The following SEPTIN5 variants were observed in gnomAD, a reference collection of about 807,000 sequenced individuals.
SEPTIN5 encodes the protein septin 5.
Under a neutral mutation model 51.2 loss-of-function variants are expected in SEPTIN5, and 16 were observed. That is an observed-to-expected ratio of 0.31 (90% confidence interval 0.21 to 0.47). The LOEUF is 0.47. Among genes scored for constraint, SEPTIN5 ranks in the 20% least tolerant of loss-of-function variants. The pLI, the probability that SEPTIN5 is intolerant of heterozygous loss-of-function variation, is 0.99. For synonymous variants in SEPTIN5, 208 were observed against 191.2 expected (o/e 1.09, Z -0.72); for missense variants, 376 against 500.3 (o/e 0.75, Z 2.37).
chr22:19,720,929 GC>G, intron 8 of SEPTIN5, 60 bp downstream of exon 8: 2 of 1,453,194 alleles, frequency 1.4e-6, no homozygotes, highest in Non-Finnish European at 1.9e-6. Context: ...GAACCAGAGG[GC>G]TTTGTCTCCT....
At position 19,721,726 on chromosome 22, in the gene SEPTIN5, G is replaced by A; in HGVS notation, c.804G>A (p.Gly268=). The A allele has an allele frequency of 1.9e-6, 3 of 1,608,922 alleles. No individual in the cohort carries two copies. The highest frequency in any genetic ancestry group is 2.5e-6 in the Non-Finnish European group (3 of 1,177,224). ...QRVRGRLYPW[G]IVEVENQAHC... ...TCCGGGGCCGACTGTACCCCTGGGG[G>A]ATCGTGGAGGGTGAGTAGAGTCTTG... is the stretch of plus-strand genomic sequence containing the variant. Residue 268 remains glycine (G), a synonymous_variant, in exon 9 of 12, where the codon GGG becomes GGA. Coordinates refer to ENST00000455784, the MANE Select transcript of SEPTIN5 (RefSeq NM_002688.6).
intron 10 of SEPTIN5, 56 bp from the exon 11 acceptor site, chr22:19,722,181 C>A: frequency 1.5e-6 from 2 of 1,341,354 alleles, no homozygotes; most frequent in Admixed American, 2.3e-5. Flanking sequence ...ATCGCCAGCC[C>A]ACGCTGAGCC....
At chr22:19,715,720 G>C (rs1326570495) in intron 2 of SEPTIN5, among the ~76,000 whole-genome samples, 1 of 152,202 alleles carries the variant, frequency 6.6e-6, no homozygotes, top group East Asian at 1.9e-4. Flanking sequence ...GCAGCAGGCA[G>C]GGCAGGAGGG....
Position 19,720,765 on chromosome 22 carries a change from C to T in SEPTIN5, c.616-3C>T, listed in dbSNP as rs751811812. On this transcript the variant is annotated splice_polypyrimidine_tract_variant and splice_region_variant and intron_variant, in intron 7 of 11. Coordinates refer to ENST00000455784, the MANE Select transcript of SEPTIN5 (RefSeq NM_002688.6). ...AAATCTGATGGTCCTTGCCCCACCA[C>T]AGATCCGGGAGGAGATTGACAAGTT... 1.2e-6 allele frequency: 2 copies of T among 1,613,388 alleles called. No individual in the cohort carries two copies. The highest frequency in any genetic ancestry group is 1.3e-5 in the African/African-American group (1 of 75,074).
chr22:19,722,558 C>T lies in SEPTIN5; in HGVS notation c.*74C>T. 6.8e-7 allele frequency: 1 copy of T among 1,481,148 alleles called. No homozygotes were observed. 91.8% of individuals were successfully genotyped at this position (1,481,148 alleles called of 1,614,324 possible). ...GGACACCAGACCGGACTGTTCCCGA[C>T]CCGGAGACGCGGGGCCACAGCCCCC... On this transcript the variant is annotated 3_prime_UTR_variant, in exon 12 of 12. Coordinates refer to ENST00000455784, the MANE Select transcript of SEPTIN5 (RefSeq NM_002688.6).
intron 2 of SEPTIN5, among the ~76,000 whole-genome samples, chr22:19,716,839 C>T (rs1458372324): frequency 1.3e-5 from 2 of 152,290 alleles, no homozygotes; most frequent in African/African-American, 4.8e-5. Context: ...TGCCCTGGGC[C>T]TGAGATGCCA....
rs781470737 is a variant in SEPTIN5, at chr22:19,722,229, C to T, written c.951-8C>T. On this transcript the variant is annotated splice_polypyrimidine_tract_variant and splice_region_variant and intron_variant, in intron 10 of 11. Transcript: ENST00000455784. ...CGCCCCGCCCATCCTCCCCCCCGCC[C>T]CGCGCAGCAAACTGACCCAGGACAG... 1.9e-6 allele frequency: 3 copies of T among 1,587,712 alleles called. No individual in the cohort carries two copies. Among genetic ancestry groups the T allele is most frequent in the Non-Finnish European group, 2.6e-6 (3 of 1,165,466 alleles).
Position 19,722,530 on chromosome 22 carries a change from C to A in SEPTIN5, c.*46C>A. The A allele has an allele frequency of 6.4e-7, 1 of 1,552,966 alleles. No homozygotes were observed. Among genetic ancestry groups the A allele is most frequent in the South Asian group, 1.2e-5 (1 of 84,880 alleles). On this transcript the variant is annotated 3_prime_UTR_variant, in exon 12 of 12. Coordinates refer to ENST00000455784, the MANE Select transcript of SEPTIN5 (RefSeq NM_002688.6). ...TCCGTCTCCGGGACGCCCTCGCACC[C>A]CTGGACACCAGACCGGACTGTTCCC...
At chr22:19,717,013 G>T in intron 2 of SEPTIN5, among the ~76,000 whole-genome samples, 1 of 152,194 alleles carries the variant, frequency 6.6e-6, no homozygotes. Flanking sequence ...GAGCTGGGGG[G>T]CCTGGAGCTG....
At chr22:19,722,073 C>A (rs911150986) in intron 10 of SEPTIN5, 116 bp downstream of exon 10, 209 of 1,311,650 alleles carry the variant, frequency 1.6e-4, no homozygotes, top group Admixed American at 5.6e-4. Flanking sequence ...TTCCCTAAGC[C>A]CCCCCCCTCC....
chr22:19,719,214 T>G (rs1041379521), intron 2 of SEPTIN5, among the ~76,000 whole-genome samples: 5 of 152,060 alleles, frequency 3.3e-5, no homozygotes. Flanking sequence ...TCCGGAGGGG[T>G]GAGTGTCGAG....
At chr22:19,719,093 G>A (rs1258518451) in intron 2 of SEPTIN5, 3 of 330,178 alleles carry the variant, frequency 9.1e-6, no homozygotes, top group Non-Finnish European at 1.6e-5. Context: ...GCGCGCGGGC[G>A]GGGGAGGCTC....
chr22:19,717,783 A>G, intron 2 of SEPTIN5: 1 of 230,420 alleles, frequency 4.3e-6, no homozygotes, highest in Non-Finnish European at 8.8e-6. Context: ...ACATGCACAC[A>G]CCCGCGCACA....
Position 19,722,946 on chromosome 22 carries a change from T to C in SEPTIN5, c.*462T>C. On this transcript the variant is annotated 3_prime_UTR_variant, in exon 12 of 12. Transcript: ENST00000455784. ...CCATTTTCTGTCGAGGCGGGCCGAGTCTTCCCTTATCCCCAGACGCCTAGC... is the reference window on the plus strand; with the variant it reads ...CCATTTTCTGTCGAGGCGGGCCGAGCCTTCCCTTATCCCCAGACGCCTAGC... 2.3e-6 allele frequency: 1 copy of C among 438,786 alleles called. No individual in the cohort carries two copies. Among genetic ancestry groups the C allele is most frequent in the Non-Finnish European group, 4.3e-6 (1 of 232,372 alleles). The allele number at this position is 438,786 out of a possible 1,614,324, so 27.2% of individuals were successfully genotyped here. A position where few individuals can be genotyped will look rare whatever the true frequency, so the allele number is the denominator to read the frequency against.
At chr22:19,721,778 T>C (rs775468880) in intron 9 of SEPTIN5, 42 bp downstream of exon 9, 5 of 1,600,704 alleles carry the variant, frequency 3.1e-6, no homozygotes, top group African/African-American at 2.7e-5. Flanking sequence ...GGGGGAAGGC[T>C]GTCCTGGGCC....
At position 19,720,173 on chromosome 22, in the gene SEPTIN5, A is replaced by C; in HGVS notation, c.297A>C (p.Gly99=). The change falls in exon 5 of 12, where the codon GGA becomes GGC. Residue 99 remains glycine (G), a synonymous_variant. Coordinates refer to ENST00000455784, the MANE Select transcript of SEPTIN5 (RefSeq NM_002688.6). ...LKHTVDIEEK[G]VKLKLTIVDT... is the part of the protein sequence containing the mutation. ...ACACGGTGGACATTGAGGAGAAGGGAGTCAAGCTGAAGCTCACCATCGTGG... is the reference window on the plus strand; with the variant it reads ...ACACGGTGGACATTGAGGAGAAGGGCGTCAAGCTGAAGCTCACCATCGTGG... 1 of 1,613,518 alleles carries C rather than the reference A, an allele frequency of 6.2e-7. No homozygotes were observed. The highest frequency in any genetic ancestry group is 8.5e-7 in the Non-Finnish European group (1 of 1,179,998).
chr22:19,722,912 G>C lies in SEPTIN5; in HGVS notation c.*428G>C. The stretch of plus-strand genomic sequence containing the variant: ...TGCTCCCGCGGGTCACCCAGCGAGT[G>C]CTGAGACCCCATTTTCTGTCGAGGC... On this transcript the variant is annotated 3_prime_UTR_variant, in exon 12 of 12. Coordinates refer to ENST00000455784, the MANE Select transcript of SEPTIN5 (RefSeq NM_002688.6). 1 of 446,822 alleles carries C rather than the reference G, an allele frequency of 2.2e-6. No individual in the cohort carries two copies. The highest frequency in any genetic ancestry group is 2.1e-5 in the South Asian group (1 of 47,684). The allele number at this position is 446,822 out of a possible 1,614,324, so 27.7% of individuals were successfully genotyped here.
intron 8 of SEPTIN5, 68 bp from the exon 9 acceptor site, chr22:19,721,572 C>A: frequency 1.3e-6 from 2 of 1,554,394 alleles, no homozygotes; most frequent in Non-Finnish European, 8.8e-7. Context: ...GAGTTACATG[C>A]CCGTTTCCCA....
At position 19,714,754 on chromosome 22, in the gene SEPTIN5, G is replaced by T. The variant is rs753432038; in HGVS notation, c.44-27G>T. On this transcript the variant is annotated intron_variant, in intron 1 of 11. Transcript: ENST00000455784. This position sits in a 1 kb window ranked among gnomAD's most constrained non-coding sequence, Gnocchi z 5.2. Reference sequence around the variant, plus strand: ...CCGGACCCGCTCGGAACCGGACCCGGACTCGACCCCGACCCCGACCCCGCA... The same window carrying T: ...CCGGACCCGCTCGGAACCGGACCCGTACTCGACCCCGACCCCGACCCCGCA... 11 of 1,587,498 alleles carry T rather than the reference G, an allele frequency of 6.9e-6. No homozygotes were observed. The South Asian group carries it at 1.0e-4, about 15-fold the overall frequency.
Sources: allele counts gnomAD v4.1 joint callset (sites outside exome capture counted in the v4.1 genomes callset), GRCh38; gene constraint gnomAD v4.1.1; non-coding constraint Gnocchi (gnomAD v3.1); transcripts MANE v1.5; gene names NCBI Gene and HGNC (gene_info 2026-07-23, HGNC 2026-07-21).